Variants in OPCML observed in about 807,000 individuals in gnomAD.
The protein encoded by OPCML is opioid-binding protein/cell adhesion molecule.
Under a neutral mutation model 37.8 loss-of-function variants are expected in OPCML, and 13 were observed. That is an observed-to-expected ratio of 0.34 (90% CI 0.22 to 0.55). The LOEUF is 0.55. OPCML is among the 20% of genes least tolerant of loss of function. OPCML has a pLI of 0.91. For missense variants in OPCML, 341 were observed against 435.6 expected (o/e 0.78, Z 1.93); for synonymous variants, 176 against 168.8 (o/e 1.04, Z -0.33).
intron 2 of OPCML, among the ~76,000 whole-genome samples, chr11:132,778,719 C>T (rs751593227): frequency 6.6e-6 from 1 of 152,034 alleles, no homozygotes; most frequent in Non-Finnish European, 1.5e-5. Flanking sequence ...TGAGGTCATC[C>T]AGTTCCGCGA....
intron 2 of OPCML, among the ~76,000 whole-genome samples, chr11:132,801,630 T>C (rs1013465623): frequency 1.3e-5 from 2 of 152,238 alleles, no homozygotes; most frequent in African/African-American, 4.8e-5. Flanking sequence ...GAAACTATTA[T>C]TTTAAACTGC....
At chr11:133,403,233 G>C (rs1007924304) in intron 1 of OPCML, among the ~76,000 whole-genome samples, 5 of 152,088 alleles carry the variant, frequency 3.3e-5, no homozygotes, top group African/African-American at 1.2e-4. Flanking sequence ...ATTATTGTAA[G>C]GGTCAAATAA....
chr11:132,649,264 A>G (rs1473803672), intron 3 of OPCML, among the ~76,000 whole-genome samples: 2 of 152,032 alleles, frequency 1.3e-5, no homozygotes, highest in African/African-American at 4.8e-5. Flanking sequence ...ACAAGGAGAA[A>G]TCTGTTTTTT....
chr11:133,300,971 C>G (rs1433817460), intron 1 of OPCML: 1 of 152,142 alleles, frequency 6.6e-6, no homozygotes, highest in Admixed American at 6.5e-5. Flanking sequence ...CTCAGTGATA[C>G]TAATTTTGGA....
At chr11:132,460,505 T>C (rs1271426656) in intron 4 of OPCML, among the ~76,000 whole-genome samples, 1 of 152,054 alleles carries the variant, frequency 6.6e-6, no homozygotes, top group African/African-American at 2.4e-5. Context: ...AGTAGAAACT[T>C]AAAGGGACTG....
At chr11:133,381,011 G>T (rs181284980) in intron 1 of OPCML, among the ~76,000 whole-genome samples, 1 of 152,220 alleles carries the variant, frequency 6.6e-6, no homozygotes, top group Non-Finnish European at 1.5e-5. Context: ...AGGGCGAAGC[G>T]CAGGAAATAG....
rs545101660 is a variant in OPCML at position 133,114,764 on chromosome 11, T to C, written c.62-171754A>G. Among the ~76,000 whole-genome samples, 11 of 152,256 alleles carry C rather than the reference T, an allele frequency of 7.2e-5. No homozygotes were observed. The South Asian group carries it at 1.7e-3, about 23-fold the overall frequency. ...AATTGAGTGGGTGCTAAATAATTAT[T>C]TGTTGGATGAATTAAGAAGTAGGAG... On this transcript the variant is annotated intron_variant, in intron 1 of 7. Transcript: ENST00000524381.
intron 1 of OPCML, among the ~76,000 whole-genome samples, chr11:133,292,504 A>G (rs2136542039): frequency 6.6e-6 from 1 of 152,298 alleles, no homozygotes; most frequent in South Asian, 2.1e-4. Context: ...TACATATTCC[A>G]GAAGGGAAAT....
intron 1 of OPCML, among the ~76,000 whole-genome samples, chr11:133,060,884 A>G (rs1214901338): frequency 6.6e-6 from 1 of 152,266 alleles, no homozygotes; most frequent in African/African-American, 2.4e-5. Flanking sequence ...CCAGGGCTGC[A>G]GAGACTGCTT....
At chr11:133,527,283 T>C (rs1055896253) in intron 1 of OPCML, among the ~76,000 whole-genome samples, 1 of 152,252 alleles carries the variant, frequency 6.6e-6, no homozygotes. Context: ...GCCATGTCTG[T>C]TGCCTTAGTT....
At chr11:133,389,322 C>T (rs1041531532) in intron 1 of OPCML, among the ~76,000 whole-genome samples, 1 of 152,202 alleles carries the variant, frequency 6.6e-6, no homozygotes. Flanking sequence ...CTTCTCAAGG[C>T]TGACAAGTTT....
chr11:133,419,751 A>C (rs1945845062), intron 1 of OPCML, among the ~76,000 whole-genome samples: 1 of 152,206 alleles, frequency 6.6e-6, no homozygotes, highest in African/African-American at 2.4e-5. Flanking sequence ...AGAAAATGTT[A>C]ATAATAATAG....
chr11:132,938,470 G>GA (rs1262650480), intron 2 of OPCML, among the ~76,000 whole-genome samples: 9 of 152,008 alleles, frequency 5.9e-5, no homozygotes, highest in Middle Eastern at 3.2e-3. Context: ...AGACAAAACT[G>GA]AAAAAAATGT....
At chr11:133,037,888 GTC>G (rs1565411626) in intron 1 of OPCML, among the ~76,000 whole-genome samples, 1 of 152,184 alleles carries the variant, frequency 6.6e-6, no homozygotes, top group African/African-American at 2.4e-5. Context: ...CTAACTGAGC[GTC>G]TCTCACACTC....
chr11:133,489,854 T>TATATATA (rs1565663452), intron 1 of OPCML, among the ~76,000 whole-genome samples: 1,271 of 100,790 alleles, frequency 0.013, 20 homozygotes, highest in African/African-American at 0.047. Flanking sequence ...ATATATATAT[T>TATATATA]TTTTTATACA....
At chr11:132,936,887 T>C (rs1271436223) in intron 2 of OPCML, among the ~76,000 whole-genome samples, 2 of 152,108 alleles carry the variant, frequency 1.3e-5, no homozygotes, top group South Asian at 2.1e-4. Context: ...AGCGGCTTCA[T>C]TCAGGGCAAA....
intron 2 of OPCML, among the ~76,000 whole-genome samples, chr11:132,903,545 C>T (rs1213695016): frequency 6.6e-6 from 1 of 152,144 alleles, no homozygotes; most frequent in Non-Finnish European, 1.5e-5. Context: ...TTGGACATGC[C>T]TCATTATACC....
intron 1 of OPCML, among the ~76,000 whole-genome samples, chr11:133,181,783 T>C (rs974159270): frequency 6.6e-6 from 1 of 152,190 alleles, no homozygotes; most frequent in African/African-American, 2.4e-5. Flanking sequence ...CACACTCCCT[T>C]TACTGGCCAC....
chr11:132,718,888 T>C (rs941616211), intron 2 of OPCML, among the ~76,000 whole-genome samples: 2 of 152,210 alleles, frequency 1.3e-5, no homozygotes, highest in Non-Finnish European at 2.9e-5. Flanking sequence ...CAGATGAGCA[T>C]CTGAGCACGT....
Sources: gnomAD v4.1 joint callset for allele counts (sites outside exome capture counted in the v4.1 genomes callset) on GRCh38, gnomAD v4.1.1 for gene constraint, MANE v1.5 for transcripts, NCBI Gene and HGNC (gene_info 2026-07-23, HGNC 2026-07-21) for gene names.